CARMIL1: variants seen among roughly 807,000 people sequenced by gnomAD.
CARMIL1 encodes the protein F-actin-uncapping protein LRRC16A.
In CARMIL1, 90 loss-of-function variants were observed where a neutral mutation model predicts 177.1. The observed-to-expected ratio is 0.51, with a 90% CI of 0.43 to 0.61. CARMIL1 has a LOEUF of 0.61. Ranked by LOEUF, CARMIL1 falls within the 20% of genes least tolerant of loss-of-function variation. The pLI, the probability that CARMIL1 is intolerant of heterozygous loss-of-function variation, is 0.00. For missense variants in CARMIL1, 1,380 were observed against 1,667.0 expected, an observed-to-expected ratio of 0.83 and a Z score of 3.00; for synonymous variants, 577 against 606.2, an observed-to-expected ratio of 0.95 and a Z score of 0.71.
At chr6:25,587,625 A>C (rs918590509) in intron 31 of CARMIL1, among the ~76,000 whole-genome samples, 3 of 152,130 alleles carry the variant, frequency 2.0e-5, no homozygotes, top group Non-Finnish European at 2.9e-5. Context: ...CCTTTTCTAC[A>C]CTTAAATGGA....
intron 36 of CARMIL1, among the ~76,000 whole-genome samples, chr6:25,615,005 TAAG>T (rs1816784924): frequency 6.6e-6 from 1 of 152,222 alleles, no homozygotes; most frequent in African/African-American, 2.4e-5. Context: ...TGACAGGCAT[TAAG>T]AAGTAATTTT....
intron 31 of CARMIL1, among the ~76,000 whole-genome samples, chr6:25,592,332 C>T (rs772728929): frequency 2.0e-5 from 3 of 152,212 alleles, no homozygotes; most frequent in Admixed American, 6.5e-5. Flanking sequence ...GGGGCTATTA[C>T]TGCTATAGAG....
rs148237210 is a variant in CARMIL1 at position 25,469,711 on chromosome 6, T to C, written c.691-1458T>C. On this transcript the variant is annotated intron_variant, in intron 9 of 36. Coordinates refer to ENST00000329474, the MANE Select transcript of CARMIL1 (RefSeq NM_017640.6). Reference sequence around the variant, plus strand: ...TAGCTGGGACTGCAGGCGTGCGCAGTCTGGGACCCCACCCCACTACTTTTT... The same window carrying C: ...TAGCTGGGACTGCAGGCGTGCGCAGCCTGGGACCCCACCCCACTACTTTTT... Among the ~76,000 whole-genome samples the C allele has an allele frequency of 4.6e-3, 696 of 152,134 alleles. 8 individuals are homozygous for C. Among genetic ancestry groups the C allele is most frequent in the African/African-American group, 0.016 (650 of 41,508 alleles).
intron 5 of CARMIL1, among the ~76,000 whole-genome samples, chr6:25,439,869 C>T (rs1337804115): frequency 6.6e-6 from 1 of 152,132 alleles, no homozygotes; most frequent in Non-Finnish European, 1.5e-5. Context: ...ATGCTTAAAC[C>T]ATATGGCTGT....
chr6:25,557,877 A>C (rs189237018), intron 29 of CARMIL1, among the ~76,000 whole-genome samples: 97 of 152,342 alleles, frequency 6.4e-4, no homozygotes, highest in African/African-American at 2.3e-3. Flanking sequence ...AGGGTTCTCT[A>C]TGTAAAGTCC....
intron 2 of CARMIL1, among the ~76,000 whole-genome samples, chr6:25,312,660 GT>G (rs1028344369): frequency 6.6e-6 from 1 of 151,608 alleles, no homozygotes; most frequent in African/African-American, 2.4e-5. Context: ...TCTTTTTAGA[GT>G]TTATATTGTT....
intron 2 of CARMIL1, among the ~76,000 whole-genome samples, chr6:25,407,782 A>G (rs1794516150): frequency 6.6e-6 from 1 of 152,200 alleles, no homozygotes; most frequent in African/African-American, 2.4e-5. Flanking sequence ...GTTAGTGCTG[A>G]TGGAGAATGA....
intron 2 of CARMIL1, among the ~76,000 whole-genome samples, chr6:25,318,697 C>A (rs563392377): frequency 6.6e-6 from 1 of 152,110 alleles, no homozygotes; most frequent in Non-Finnish European, 1.5e-5. Flanking sequence ...ATCAGCCACC[C>A]GGGAGACCCC....
At chr6:25,426,404 G>C in intron 3 of CARMIL1, 97 bp from the exon 4 acceptor site, 1 of 924,422 alleles carries the variant, frequency 1.1e-6, no homozygotes, top group Non-Finnish European at 1.6e-6. Flanking sequence ...GCTGTTTCTA[G>C]TTGTAGGATT....
At chr6:25,342,120 G>C (rs749717147) in intron 2 of CARMIL1, among the ~76,000 whole-genome samples, 14 of 152,182 alleles carry the variant, frequency 9.2e-5, no homozygotes, top group Middle Eastern at 3.2e-3. Context: ...AGATGGGAGA[G>C]ACTTTGGCAT....
chr6:25,609,140 A>G lies in CARMIL1; in HGVS notation c.3848-910A>G, dbSNP rs114417145. ...GACAAGCTTGTGGTAGATTCTTTCA[A>G]TTAGGGTGAAACAGCCCTGGTTTTT... On this transcript the variant is annotated intron_variant, in intron 35 of 36. Coordinates refer to ENST00000329474, the MANE Select transcript of CARMIL1 (RefSeq NM_017640.6). Among the ~76,000 whole-genome samples, 1,389 of 152,202 alleles carry G rather than the reference A, an allele frequency of 9.1e-3. 18 individuals are homozygous for G. Among genetic ancestry groups the G allele is most frequent in the African/African-American group, 0.03 (1,250 of 41,516 alleles).
At chr6:25,443,513 A>G (rs1049015743) in intron 5 of CARMIL1, among the ~76,000 whole-genome samples, 2 of 152,246 alleles carry the variant, frequency 1.3e-5, no homozygotes, top group African/African-American at 2.4e-5. Flanking sequence ...GTAAACAGGC[A>G]TACCTTGGAG....
intron 31 of CARMIL1, among the ~76,000 whole-genome samples, chr6:25,585,011 A>C (rs1813501736): frequency 6.6e-6 from 1 of 152,226 alleles, no homozygotes; most frequent in African/African-American, 2.4e-5. Flanking sequence ...GGTAAGTCCC[A>C]AAATAATGCA....
rs1785064462 is a variant in CARMIL1, at chr6:25,326,096, C to A, written c.138+41187C>A. Among the ~76,000 whole-genome samples, 1 of 152,058 alleles carries A rather than the reference C, an allele frequency of 6.6e-6. No individual in the cohort carries two copies. Among genetic ancestry groups the A allele is most frequent in the African/African-American group, 2.4e-5 (1 of 41,392 alleles). On this transcript the variant is annotated intron_variant, in intron 2 of 36. Coordinates refer to ENST00000329474, the MANE Select transcript of CARMIL1 (RefSeq NM_017640.6). The surrounding 1 kb of genome is among the most constrained non-coding windows in gnomAD (Gnocchi z 4.2). The stretch of plus-strand genomic sequence containing the variant: ...TGTTGGCCAGGATGGTGTCGATTTC[C>A]TGACCTCGTGATCCGCCCACCTCAG...
At chr6:25,300,474 C>A (rs994234295) in intron 2 of CARMIL1, among the ~76,000 whole-genome samples, 1 of 152,204 alleles carries the variant, frequency 6.6e-6, no homozygotes, top group African/African-American at 2.4e-5. Context: ...CGAGACCAGC[C>A]TGGCCAACAT....
At chr6:25,451,989 C>CA in intron 8 of CARMIL1, 1 of 66,834 alleles carries the variant, frequency 1.5e-5, no homozygotes, top group Non-Finnish European at 3.1e-5. Context: ...GCATCTTGCC[C>CA]CCCCCTCCCC....
chr6:25,512,092 A>G (rs7769016), intron 20 of CARMIL1, among the ~76,000 whole-genome samples: 66,299 of 151,926 alleles, frequency 0.44, 14,854 homozygotes, highest in Middle Eastern at 0.52. Flanking sequence ...GTTTTAACAG[A>G]TTAGGGAAGC....
chr6:25,489,534 A>G (rs1802986403), intron 13 of CARMIL1, among the ~76,000 whole-genome samples: 1 of 152,222 alleles, frequency 6.6e-6, no homozygotes. Context: ...TATGTGGCAA[A>G]TGATCCCCTC....
chr6:25,369,457 G>A (rs1047015863), intron 2 of CARMIL1, among the ~76,000 whole-genome samples: 2 of 147,774 alleles, frequency 1.4e-5, no homozygotes, highest in African/African-American at 5.0e-5. Context: ...TAAGACTCCC[G>A]TTTCCACATT....
Sources: gnomAD v4.1 joint callset for allele counts (sites outside exome capture counted in the v4.1 genomes callset) on GRCh38, gnomAD v4.1.1 for gene constraint, Gnocchi (gnomAD v3.1) non-coding constraint, MANE v1.5 for transcripts, NCBI Gene and HGNC (gene_info 2026-07-23, HGNC 2026-07-21) for gene names.